XXYLT1: variants seen among roughly 807,000 people sequenced by gnomAD.
The protein encoded by XXYLT1 is UDP-xylose:alpha-xyloside alpha-1,3-xylosyltransferase.
In XXYLT1, 20 loss-of-function variants were observed where a neutral mutation model predicts 28.9. The ratio of observed to expected loss-of-function variants is 0.69; its 90% CI spans 0.49 to 1.00. The LOEUF (loss-of-function observed/expected upper bound fraction) is 1.00. Among genes scored for constraint, XXYLT1 ranks in the 50% least tolerant of loss-of-function variants. The pLI is 0.00. For synonymous variants in XXYLT1, 257 were observed against 253.8 expected (o/e 1.01, Z -0.12); for missense variants, 542 against 560.1 (o/e 0.97, Z 0.33).
intron 2 of XXYLT1, among the ~76,000 whole-genome samples, chr3:195,218,417 C>T (rs1257398052): frequency 1.9e-3 from 285 of 150,892 alleles, no homozygotes; most frequent in African/African-American, 6.8e-3. Context: ...CCAACTCATC[C>T]GACAAAGGGC....
intron 3 of XXYLT1, among the ~76,000 whole-genome samples, chr3:195,151,341 C>T (rs1457431226): frequency 1.3e-5 from 2 of 151,844 alleles, no homozygotes; most frequent in Non-Finnish European, 2.9e-5. Context: ...GTCAGCAGTT[C>T]GAGACCAGCC....
chr3:195,144,469 C>T (rs1403428374), intron 3 of XXYLT1, among the ~76,000 whole-genome samples: 2 of 152,022 alleles, frequency 1.3e-5, no homozygotes, highest in Non-Finnish European at 1.5e-5. Flanking sequence ...CTCCGCCTCC[C>T]GGGTTCAAGT....
intron 3 of XXYLT1, among the ~76,000 whole-genome samples, chr3:195,110,251 TGAA>T (rs1560100547): frequency 0.021 from 96 of 4,596 alleles, no homozygotes; most frequent in East Asian, 0.048. Context: ...CGTGTGTGGG[TGAA>T]GTGTGTGTGG....
intron 2 of XXYLT1, among the ~76,000 whole-genome samples, chr3:195,204,220 G>A (rs1722969926): frequency 6.6e-6 from 1 of 151,988 alleles, no homozygotes. Flanking sequence ...GCAGACGCCT[G>A]TAGTCCCAGC....
chr3:195,070,486 C>G, intron 3 of XXYLT1, among the ~76,000 whole-genome samples: 1 of 152,082 alleles, frequency 6.6e-6, no homozygotes, highest in South Asian at 2.1e-4. Flanking sequence ...AAGGTATTTG[C>G]CCAAAGTCAC....
intron 2 of XXYLT1, among the ~76,000 whole-genome samples, chr3:195,215,109 A>T (rs1178200900): frequency 6.6e-6 from 1 of 151,160 alleles, no homozygotes; most frequent in African/African-American, 2.4e-5. Flanking sequence ...TACTTTACAG[A>T]CAAGCAAATG....
intron 1 of XXYLT1, among the ~76,000 whole-genome samples, chr3:195,244,467 A>G (rs1724917525): frequency 6.6e-6 from 1 of 152,180 alleles, no homozygotes; most frequent in African/African-American, 2.4e-5. Context: ...ATCTTCATTT[A>G]AAAACCACTC....
rs1241075293 is a variant in XXYLT1 at position 195,110,360 on chromosome 3, TGC to T, written c.786-40251_786-40250del. Among the ~76,000 whole-genome samples the T allele has an allele frequency of 2.1e-3, 91 of 43,092 alleles. 1 individual carries two copies. Among genetic ancestry groups the T allele is most frequent in the African/African-American group, 3.1e-3 (33 of 10,794 alleles). 28.3% of individuals were successfully genotyped at this position (43,092 alleles called of 152,430 possible). A position where few individuals can be genotyped will look rare whatever the true frequency, so the allele number is the denominator to read the frequency against. Reference sequence around the variant, plus strand: ...GTATGTGTGTGGTGTGTGGTGTATGTGCGTGCGTGTGTGCTGTATAAGTGTGT... The same window carrying T: ...GTATGTGTGTGGTGTGTGGTGTATGTGTGCGTGTGTGCTGTATAAGTGTGT... On this transcript the variant is annotated intron_variant, in intron 3 of 3. Coordinates refer to ENST00000310380, the MANE Select transcript of XXYLT1 (RefSeq NM_152531.5).
intron 3 of XXYLT1, among the ~76,000 whole-genome samples, chr3:195,110,264 G>C (rs115901759): frequency 0.051 from 113 of 2,222 alleles, 1 homozygote; most frequent in East Asian, 0.087. Context: ...AGTGTGTGTG[G>C]GTGTGTGGTG....
chr3:195,247,162 A>C (rs1456705020), intron 1 of XXYLT1, among the ~76,000 whole-genome samples: 1 of 152,150 alleles, frequency 6.6e-6, no homozygotes, highest in African/African-American at 2.4e-5. Context: ...CCCAAAAAGG[A>C]GGGGAAGAGG....
chr3:195,207,389 C>T (rs1235362240), intron 2 of XXYLT1: 3 of 444,954 alleles, frequency 6.7e-6, no homozygotes, highest in African/African-American at 6.0e-5. Flanking sequence ...TGGAGGTTCT[C>T]AGGCAACAGG....
At chr3:195,267,824 T>C (rs988732374) in intron 1 of XXYLT1, among the ~76,000 whole-genome samples, 5 of 152,042 alleles carry the variant, frequency 3.3e-5, no homozygotes, top group African/African-American at 1.2e-4. Context: ...CAGGGAGAAC[T>C]CCAGACAGAG....
rs1001135714 is a variant in XXYLT1 at position 195,110,285 on chromosome 3, G to A, written c.786-40174C>T. 3.4e-4 allele frequency among the ~76,000 whole-genome samples: 13 copies of A among 37,816 alleles called. 1 individual carries two copies. The highest frequency in any genetic ancestry group is 8.1e-4 in the African/African-American group (4 of 4,964). The allele number at this position is 37,816 out of a possible 152,430, so 24.8% of individuals were successfully genotyped here. ...TGTGGGTGTGTGGTGTGTGTGGGGT[G>A]TATGTGTGCGTGTGTGGTATATGTG... On this transcript the variant is annotated intron_variant, in intron 3 of 3. Coordinates refer to ENST00000310380, the MANE Select transcript of XXYLT1 (RefSeq NM_152531.5).
At chr3:195,142,694 G>A (rs1398237624) in intron 3 of XXYLT1, among the ~76,000 whole-genome samples, 2 of 152,256 alleles carry the variant, frequency 1.3e-5, no homozygotes, top group Admixed American at 6.5e-5. Flanking sequence ...TGGCACCGCC[G>A]AGCAGGCAGC....
chr3:195,230,833 T>A (rs1724269026), intron 1 of XXYLT1, among the ~76,000 whole-genome samples: 1 of 152,234 alleles, frequency 6.6e-6, no homozygotes, highest in South Asian at 2.1e-4. Flanking sequence ...AGTTTTATTC[T>A]TTCTGCTCAA....
intron 3 of XXYLT1, among the ~76,000 whole-genome samples, chr3:195,127,444 G>A (rs1318088998): frequency 1.3e-5 from 2 of 152,092 alleles, no homozygotes; most frequent in Admixed American, 6.5e-5. Flanking sequence ...CAAAGATTTC[G>A]AGGTGGCATG....
intron 3 of XXYLT1, among the ~76,000 whole-genome samples, chr3:195,095,034 C>A (rs572703719): frequency 1.3e-5 from 2 of 152,180 alleles, no homozygotes; most frequent in African/African-American, 2.4e-5. Context: ...ACTGGGATTC[C>A]GCATCGCTGA....
Position 195,069,756 on chromosome 3 carries a change from TC to T in XXYLT1, c.1140del (p.Ile381SerfsTer53). 6.2e-7 allele frequency: 1 copy of T among 1,613,900 alleles called. No individual in the cohort carries two copies. The highest frequency in any genetic ancestry group is 8.5e-7 in the Non-Finnish European group (1 of 1,180,002). On this transcript the variant is annotated frameshift_variant, in exon 4 of 4. Coordinates refer to ENST00000310380, the MANE Select transcript of XXYLT1 (RefSeq NM_152531.5). LOFTEE classifies it high-confidence loss of function. ...EAYFRCEGHV[K>X]IYHGNCNTPI... ...GGAGTGTTGCAGTTCCCGTGGTAGA[TC>T]TTGACGTGGCCCTCACACCTGAAAT...
At chr3:195,157,751 G>T (rs1403663007) in intron 2 of XXYLT1, among the ~76,000 whole-genome samples, 1 of 152,334 alleles carries the variant, frequency 6.6e-6, no homozygotes, top group East Asian at 1.9e-4. Flanking sequence ...GGTCCAAAGA[G>T]GGGGCGCATG....
Sources: allele counts gnomAD v4.1 joint callset (sites outside exome capture counted in the v4.1 genomes callset), GRCh38; gene constraint gnomAD v4.1.1; transcripts MANE v1.5; gene names NCBI Gene and HGNC (gene_info 2026-07-23, HGNC 2026-07-21).